Variants in CYP2C8 observed in about 807,000 individuals in gnomAD.
CYP2C8 encodes the protein cytochrome P450 family 2 subfamily C member 8.
A neutral mutation model predicts 41.3 loss-of-function variants in CYP2C8; 51 were observed. That is an observed-to-expected ratio of 1.24 (90% CI 0.99 to 1.56). The LOEUF is 1.56. CYP2C8 is among the 40% of genes most tolerant of loss of function. The pLI is 0.00. For synonymous variants in CYP2C8, 218 were observed against 205.8 expected (o/e 1.06, Z -0.51); for missense variants, 651 against 579.9 (o/e 1.12, Z -1.26).
Position 95,069,444 on chromosome 10 carries a change from T to A in CYP2C8, c.-42A>T, listed in dbSNP as rs761445964. 1.6e-5 allele frequency: 25 copies of A among 1,559,446 alleles called. No homozygotes were observed. Among genetic ancestry groups the A allele is most frequent in the Non-Finnish European group, 2.2e-5 (25 of 1,132,164 alleles). On this transcript the variant is annotated 5_prime_UTR_variant, in exon 1 of 9. Transcript: ENST00000371270. ...TATTAAGACAGCTGTGAGCTTGCAC[T>A]CCAAAGTTTTTATAACACTCCCTGC...
chr10:95,044,192 G>A (rs1376610250), intron 6 of CYP2C8, among the ~76,000 whole-genome samples: 1 of 152,158 alleles, frequency 6.6e-6, no homozygotes, highest in African/African-American at 2.4e-5. Flanking sequence ...TCAGACATGA[G>A]ATGGAGCACA....
chr10:95,061,719 C>T (rs533642051), intron 4 of CYP2C8, among the ~76,000 whole-genome samples: 2 of 152,132 alleles, frequency 1.3e-5, no homozygotes, highest in African/African-American at 4.8e-5. Flanking sequence ...CTAGTTCTTT[C>T]AATTGTGATG....
Position 95,045,841 on chromosome 10 carries a change from G to A in CYP2C8, c.930C>T (p.Leu310=). ...ETTSTTLRYG[L]LLLLKHPEVT... ...CCTCTGGGTGCTTCAGCAGGAGCAG[G>A]AGTCCATATCTCAGAGTGGTGCTTG... The change falls in exon 6 of 9, where the codon CTC becomes CTT. Residue 310 remains leucine, a synonymous_variant. Coordinates refer to ENST00000371270, the MANE Select transcript of CYP2C8 (RefSeq NM_000770.3). The A allele has an allele frequency of 6.2e-7, 1 of 1,614,000 alleles. No homozygotes were observed. Among genetic ancestry groups the A allele is most frequent in the Non-Finnish European group, 8.5e-7 (1 of 1,179,916 alleles).
In CYP2C8 at chr10:95,037,112, G is replaced by T. The variant is rs371808080; in HGVS notation, c.*16C>A. ...GCAGGTGATAGCAGATCGGCAGCCAGATGGGCTAGCATTCTTCAGACAGGG... is the reference window on the plus strand; with the variant it reads ...GCAGGTGATAGCAGATCGGCAGCCATATGGGCTAGCATTCTTCAGACAGGG... On this transcript the variant is annotated 3_prime_UTR_variant, in exon 9 of 9. Coordinates refer to ENST00000371270, the MANE Select transcript of CYP2C8 (RefSeq NM_000770.3). 2 of 1,613,332 alleles carry T rather than the reference G, an allele frequency of 1.2e-6. No homozygotes were observed. Among genetic ancestry groups the T allele is most frequent in the East Asian group, 2.2e-5 (1 of 44,880 alleles).
chr10:95,059,035 G>A (rs2033369044), intron 4 of CYP2C8, among the ~76,000 whole-genome samples: 1 of 152,106 alleles, frequency 6.6e-6, no homozygotes, highest in African/African-American at 2.4e-5. Context: ...TCTTAATCCA[G>A]TCTATCATTG....
In CYP2C8 at chr10:95,064,813, G is replaced by A. The variant is rs2033523088; in HGVS notation, c.629C>T (p.Ser210Phe). 6.2e-7 allele frequency: 1 copy of A among 1,613,860 alleles called. No individual in the cohort carries two copies. Residue 210 changes from serine (S) to phenylalanine (F), a missense_variant, in exon 4 of 9, where the codon TCC (serine) becomes TTC (phenylalanine). Ser to Phe is a radical substitution (Grantham distance 155). Transcript: ENST00000371270. ...RFNENFRILN[S>F]PWIQVCNNFP... is the part of the protein sequence containing the mutation. Reference sequence around the variant, plus strand: ...TCTTGGCCTTACCTGGATCCATGGGGAGTTCAGAATCCTGAAGTTTTCATT... The same window carrying A: ...TCTTGGCCTTACCTGGATCCATGGGAAGTTCAGAATCCTGAAGTTTTCATT...
chr10:95,040,490 G>C (rs772334161), intron 7 of CYP2C8, among the ~76,000 whole-genome samples: 5 of 152,068 alleles, frequency 3.3e-5, no homozygotes, highest in Non-Finnish European at 5.9e-5. Context: ...ATAATAAGTG[G>C]AATTGTGTAG....
At chr10:95,057,059 G>A (rs1194763656) in intron 5 of CYP2C8, among the ~76,000 whole-genome samples, 1 of 152,124 alleles carries the variant, frequency 6.6e-6, no homozygotes, top group Non-Finnish European at 1.5e-5. Context: ...GCATATTAAG[G>A]GACAGTTTGT....
chr10:95,043,334 C>T (rs1042582599), intron 6 of CYP2C8, among the ~76,000 whole-genome samples: 2 of 152,044 alleles, frequency 1.3e-5, no homozygotes, highest in Non-Finnish European at 2.9e-5. Context: ...TTAAGTAATA[C>T]ATTATTTAAA....
chr10:95,058,273 GGATTC>G, intron 5 of CYP2C8, 57 bp downstream of exon 5: 1 of 1,603,794 alleles, frequency 6.2e-7, no homozygotes. Flanking sequence ...AATTACAGAA[GGATTC>G]GATGAATCAC....
At chr10:95,037,400 G>T (rs2032907481) in intron 8 of CYP2C8, 91 bp from the exon 9 acceptor site, 9 of 1,090,150 alleles carry the variant, frequency 8.3e-6, no homozygotes, top group Non-Finnish European at 1.1e-5. Context: ...AACAGAATAT[G>T]CAGTAAATAA....
intron 5 of CYP2C8, among the ~76,000 whole-genome samples, chr10:95,056,536 T>C (rs1324638338): frequency 2.0e-5 from 3 of 152,184 alleles, no homozygotes; most frequent in Non-Finnish European, 4.4e-5. Flanking sequence ...AATTGTCATA[T>C]GTGTACATGA....
rs1318385813 is a variant in CYP2C8 at position 95,067,519 on chromosome 10, G to A, written c.331+10C>T. The A allele has an allele frequency of 2.5e-6, 4 of 1,613,984 alleles. No individual in the cohort carries two copies. The highest frequency in any genetic ancestry group is 2.7e-5 in the African/African-American group (2 of 74,904). ...GTTACCAAAGCTGACACAGAAATAT[G>A]TGCACCTACCAAGTCCTTTAGTAAT... On this transcript the variant is annotated intron_variant, in intron 2 of 8. Transcript: ENST00000371270.
intron 8 of CYP2C8, among the ~76,000 whole-genome samples, chr10:95,038,148 G>T (rs999469392): frequency 6.6e-6 from 1 of 152,116 alleles, no homozygotes; most frequent in East Asian, 1.9e-4. Context: ...ACAAAACACA[G>T]GTGTGAAAAG....
rs768330125 is a variant in CYP2C8 at position 95,067,485 on chromosome 10, C to T, written c.331+44G>A. The T allele has an allele frequency of 2.5e-6, 4 of 1,613,714 alleles. No homozygotes were observed. The African/African-American group carries it at 4.0e-5, about 16-fold the overall frequency. On this transcript the variant is annotated intron_variant, in intron 2 of 8. Coordinates refer to ENST00000371270, the MANE Select transcript of CYP2C8 (RefSeq NM_000770.3). The stretch of plus-strand genomic sequence containing the variant: ...TTTTAGGGCTCTGTTTTCCATCCCC[C>T]TCACCCCAGTTACCAAAGCTGACAC...
At position 95,058,387 on chromosome 10, in the gene CYP2C8, T is replaced by C. The variant is rs141120323; in HGVS notation, c.767A>G (p.Asp256Gly). 2 of 1,613,420 alleles carry C rather than the reference T, an allele frequency of 1.2e-6. No homozygotes were observed. The highest frequency in any genetic ancestry group is 2.7e-5 in the African/African-American group (2 of 74,910). The change falls in exon 5 of 9, where the codon GAT becomes GGT. Residue 256 changes from aspartate (D) to glycine (G), a missense_variant. Transcript: ENST00000371270. ...EKVKEHQASL[D>G]VNNPRDFIDC... Reference sequence around the variant, plus strand: ...GATAAAGTCCCGAGGATTGTTAACATCCAGTGATGCTTGGTGTTCTTTTAC... The same window carrying C: ...GATAAAGTCCCGAGGATTGTTAACACCCAGTGATGCTTGGTGTTCTTTTAC...
chr10:95,068,207 T>C (rs529020719), intron 1 of CYP2C8, among the ~76,000 whole-genome samples: 51 of 152,306 alleles, frequency 3.3e-4, no homozygotes, highest in African/African-American at 1.2e-3. Flanking sequence ...GAAATCTGTA[T>C]TTACAGTGTC....
chr10:95,069,375 A>G lies in CYP2C8; in HGVS notation c.28T>C (p.Cys10Arg), dbSNP rs1351448178. The change falls in exon 1 of 9, where the codon TGT (cysteine) becomes CGT (arginine). Residue 10 changes from cysteine to arginine, a missense_variant. Cys to Arg is a radical substitution (Grantham distance 180, BLOSUM62 -3). Coordinates refer to ENST00000371270, the MANE Select transcript of CYP2C8 (RefSeq NM_000770.3). Reference sequence around the variant, plus strand: ...GAAAAGAGAAGCATAAAAGAGAGACACAGCACCAGGACCACAAAAGGTTCC... The same window carrying G: ...GAAAAGAGAAGCATAAAAGAGAGACGCAGCACCAGGACCACAAAAGGTTCC... MEPFVVLVL[C>R]LSFMLLFSLW... 2 of 1,614,000 alleles carry G rather than the reference A, an allele frequency of 1.2e-6. No individual in the cohort carries two copies. Among genetic ancestry groups the G allele is most frequent in the Admixed American group, 3.3e-5 (2 of 59,982 alleles).
intron 7 of CYP2C8, 28 bp downstream of exon 7, chr10:95,042,862 A>G: frequency 1.3e-6 from 2 of 1,594,888 alleles, no homozygotes; most frequent in Middle Eastern, 3.3e-4. Context: ...AGAAGTACAG[A>G]AATATAGTGT....
Sources: allele counts gnomAD v4.1 joint callset (sites outside exome capture counted in the v4.1 genomes callset), GRCh38; gene constraint gnomAD v4.1.1; transcripts MANE v1.5; gene names NCBI Gene and HGNC (gene_info 2026-07-23, HGNC 2026-07-21).